The following SACS variants were observed in gnomAD, a reference collection of about 807,000 sequenced individuals.
The protein encoded by SACS is sacsin molecular chaperone.
In SACS, 197 loss-of-function variants were observed where a neutral mutation model predicts 348.0. The observed-to-expected ratio is 0.57, with a 90% CI of 0.50 to 0.64. The LOEUF (loss-of-function observed/expected upper bound fraction) is 0.64, where lower values mean the gene tolerates loss of function less well. Ranked by LOEUF, SACS falls within the 30% of genes least tolerant of loss-of-function variation. The pLI is 0.00. For synonymous variants in SACS, 1,985 were observed against 1,910.6 expected, an observed-to-expected ratio of 1.04 and a Z score of -1.02; for missense variants, 4,999 against 5,360.8, an observed-to-expected ratio of 0.93 and a Z score of 2.11.
intron 2 of SACS, among the ~76,000 whole-genome samples, chr13:23,378,476 A>T (rs964983303): frequency 6.7e-6 from 1 of 149,756 alleles, no homozygotes; most frequent in Admixed American, 6.7e-5. Flanking sequence ...TCTCTTGCAA[A>T]TTTTTTTTTT....
intron 9 of SACS, among the ~76,000 whole-genome samples, chr13:23,344,652 A>G (rs1215457817): frequency 6.6e-6 from 1 of 152,266 alleles, no homozygotes; most frequent in Admixed American, 6.5e-5. Flanking sequence ...TAATAGGATC[A>G]GCAAAATAAT....
intron 2 of SACS, among the ~76,000 whole-genome samples, chr13:23,402,785 G>A (rs111335339): frequency 4.8e-4 from 73 of 152,268 alleles, no homozygotes; most frequent in African/African-American, 1.7e-3. Context: ...AGGAACCTTA[G>A]GACCCAGAAA....
In SACS at chr13:23,335,537, A is replaced by C. The variant is rs111540787; in HGVS notation, c.8339T>G (p.Phe2780Cys). 7,780 of 1,613,692 alleles carry C rather than the reference A, an allele frequency of 4.8e-3. 22 individuals carry two copies. Among genetic ancestry groups the C allele is most frequent in the Non-Finnish European group, 5.9e-3 (6,965 of 1,179,886 alleles). Residue 2780 changes from phenylalanine (F) to cysteine (C), a missense_variant, in exon 10 of 10, where the codon TTT becomes TGT. By Grantham distance (205) the Phe-to-Cys change is radical. Coordinates refer to ENST00000382292, the MANE Select transcript of SACS (RefSeq NM_014363.6). This position sits in a 1 kb window ranked among gnomAD's most constrained non-coding sequence, Gnocchi z 4.7. ...AACACTATCAATTACAGATGCATGA[A>C]ATTGTTTCCTTTTCAATCTGTCTCC... ...TDGDRLKRKQFHASVIDSVTK... is the reference protein window; with the variant it reads ...TDGDRLKRKQCHASVIDSVTK...
intron 2 of SACS, among the ~76,000 whole-genome samples, chr13:23,409,811 C>T (rs1032009131): frequency 2.6e-5 from 4 of 152,028 alleles, no homozygotes; most frequent in Non-Finnish European, 5.9e-5. Flanking sequence ...CAAAAATACA[C>T]GCAAAGTTAA....
chr13:23,375,578 C>G lies in SACS; in HGVS notation c.21-309G>C, dbSNP rs543045813. ...GGGACTGCGCGCTCCCGGCCCACTC[C>G]CGGCCCTGCAGGCGCCGCCCGCGGG... On this transcript the variant is annotated intron_variant, in intron 2 of 9. Coordinates refer to ENST00000382292, the MANE Select transcript of SACS (RefSeq NM_014363.6). 3,624 of 1,030,440 alleles carry G rather than the reference C, an allele frequency of 3.5e-3. 12 individuals are homozygous for G. The highest frequency in any genetic ancestry group is 4.0e-3 in the Non-Finnish European group (3,461 of 859,662). The allele number at this position is 1,030,440 out of a possible 1,614,324, so 63.8% of individuals were successfully genotyped here. A position where few individuals can be genotyped will look rare whatever the true frequency, so the allele number is the denominator to read the frequency against.
In SACS at chr13:23,331,686, G is replaced by T. The variant is rs200707453; in HGVS notation, c.12190C>A (p.Pro4064Thr). ...GTTTCACTTCTGCTGTGGGGAATAG[G>T]ATTAAAACCTTTAACTCTTAATGTT... ...QTTLRVKGFN[P>T]IPHSRSETFA... Residue 4064 changes from proline (P) to threonine (T), a missense_variant, in exon 10 of 10, where the codon CCT (proline) becomes ACT (threonine). By Grantham distance (38) the Pro-to-Thr change is conservative. Coordinates refer to ENST00000382292, the MANE Select transcript of SACS (RefSeq NM_014363.6). 8.5e-5 allele frequency: 137 copies of T among 1,613,726 alleles called. No individual in the cohort carries two copies. The highest frequency in any genetic ancestry group is 1.1e-4 in the Non-Finnish European group (126 of 1,179,956).
intron 2 of SACS, among the ~76,000 whole-genome samples, chr13:23,376,578 T>C (rs1455202613): frequency 1.3e-5 from 2 of 152,280 alleles, no homozygotes; most frequent in Non-Finnish European, 2.9e-5. Flanking sequence ...TCATCATCAG[T>C]AGTAAATACA....
chr13:23,396,982 T>C (rs920217230), intron 2 of SACS, among the ~76,000 whole-genome samples: 4 of 149,650 alleles, frequency 2.7e-5, no homozygotes, highest in Non-Finnish European at 4.5e-5. Context: ...TTATATGGTC[T>C]AGGGGGCCTA....
chr13:23,381,330 T>C (rs1003343269), intron 2 of SACS, among the ~76,000 whole-genome samples: 3 of 150,076 alleles, frequency 2.0e-5, no homozygotes. Context: ...AATATCACAG[T>C]CTGGCTGGAC....
chr13:23,334,157 C>A lies in SACS; in HGVS notation c.9719G>T (p.Ser3240Ile). Residue 3240 changes from serine (S) to isoleucine (I), a missense_variant, in exon 10 of 10, where the codon AGT (serine) becomes ATT (isoleucine). Coordinates refer to ENST00000382292, the MANE Select transcript of SACS (RefSeq NM_014363.6). ...CCATGCATTCTTAAGCCAAGACTCA[C>A]TTGCAAAATTGTCTTTCCACTTTGT... ...SCTKWKDNFA[S>I]ESWLKNAWHF... is the part of the protein sequence containing the mutation. 4 of 1,613,924 alleles carry A rather than the reference C, an allele frequency of 2.5e-6. No individual in the cohort carries two copies. The highest frequency in any genetic ancestry group is 3.4e-6 in the Non-Finnish European group (4 of 1,179,830).
rs144468379 is a variant in SACS, at chr13:23,354,728, G to A, written c.1884C>T (p.Pro628=). 5.6e-5 allele frequency: 91 copies of A among 1,613,554 alleles called. No homozygotes were observed. The African/African-American group carries it at 7.3e-4, about 13-fold the overall frequency. The change falls in exon 8 of 10, where the codon CCC becomes CCT. Residue 628 remains proline, a synonymous_variant. Transcript: ENST00000382292. Reference sequence around the variant, plus strand: ...TCCGCAGCACCTGCCGCACCCACGCGGGCGTCACCTTCCTCACAGGTGTTG... The same window carrying A: ...TCCGCAGCACCTGCCGCACCCACGCAGGCGTCACCTTCCTCACAGGTGTTG... The part of the protein sequence containing the change: ...SGTTPVRKVT[P]AWVRQVLRKC...
At chr13:23,412,165 AG>A (rs1477055279) in intron 1 of SACS, among the ~76,000 whole-genome samples, 1 of 152,094 alleles carries the variant, frequency 6.6e-6, no homozygotes, top group East Asian at 1.9e-4. Context: ...AGGCTGAGGC[AG>A]GAGAATGGCG....
intron 9 of SACS, among the ~76,000 whole-genome samples, chr13:23,345,360 G>A (rs1453403021): frequency 6.6e-6 from 1 of 152,192 alleles, no homozygotes; most frequent in Non-Finnish European, 1.5e-5. Context: ...CTTCCTGCCA[G>A]GTCAGACTCC....
At chr13:23,430,207 C>CAA (rs571830498) in intron 1 of SACS, among the ~76,000 whole-genome samples, 8 of 138,332 alleles carry the variant, frequency 5.8e-5, no homozygotes, top group African/African-American at 1.8e-4. Context: ...GACAACATCT[C>CAA]AAAAAAAAAA....
In SACS at chr13:23,338,570, T is replaced by C. The variant is rs752622447; in HGVS notation, c.5306A>G (p.His1769Arg). ...ILQITVEEFH[H>R]VFRRIADLQS... ...TAAATCAGCAATCCTTCTGAACACATGGTGAAATTCTTCCACTGTGATCTG... is the reference window on the plus strand; with the variant it reads ...TAAATCAGCAATCCTTCTGAACACACGGTGAAATTCTTCCACTGTGATCTG... Residue 1769 changes from histidine to arginine, a missense_variant, in exon 10 of 10, where the codon CAT (histidine) becomes CGT (arginine). This residue lies in a region of SACS where 3,156 missense variants were observed against 3,380.1 expected (regional missense o/e 0.93). Coordinates refer to ENST00000382292, the MANE Select transcript of SACS (RefSeq NM_014363.6). The C allele has an allele frequency of 2.4e-5, 38 of 1,614,002 alleles. No homozygotes were observed. Among genetic ancestry groups the C allele is most frequent in the Non-Finnish European group, 3.1e-5 (37 of 1,179,982 alleles).
rs749096083 is a variant in SACS at position 23,341,627 on chromosome 13, A to G, written c.2249T>C (p.Val750Ala). The G allele has an allele frequency of 6.2e-7, 1 of 1,613,546 alleles. No homozygotes were observed. Among genetic ancestry groups the G allele is most frequent in the African/African-American group, 1.3e-5 (1 of 74,912 alleles). ...PERFARLIKEVMNTFWPGREL... is the reference protein window; with the variant it reads ...PERFARLIKEAMNTFWPGREL... ...TCTGCCAGGCCAGAATGTATTCATTACTTCCTTGATAAGACGTGCAAATCG... is the reference window on the plus strand; with the variant it reads ...TCTGCCAGGCCAGAATGTATTCATTGCTTCCTTGATAAGACGTGCAAATCG... The change falls in exon 10 of 10, where the codon GTA becomes GCA. Residue 750 changes from valine to alanine, a missense_variant. Physicochemically the swap from Val to Ala is moderately conservative, Grantham distance 64. Around this residue, in one of 6 missense-constraint regions of SACS, gnomAD observed 3,156 missense variants for 3,380.1 expected, o/e 0.93. Coordinates refer to ENST00000382292, the MANE Select transcript of SACS (RefSeq NM_014363.6).
In SACS at chr13:23,355,737, A is replaced by ACCT. The variant is rs1870338253; in HGVS notation, c.872_874dup (p.Lys291_Val292insGlu). On this transcript the variant is annotated inframe_insertion, in exon 8 of 10. Transcript: ENST00000382292. ...CCTAAAAGACTCAAACAACTCAAGA[A>ACCT]CCTTCTGCTTATTGTAGAGGTTACT... The ACCT allele has an allele frequency of 2.5e-6, 4 of 1,614,094 alleles. No individual in the cohort carries two copies. The Admixed American group carries it at 5.0e-5, about 20-fold the overall frequency.
chr13:23,360,156 G>A (rs887890957), intron 6 of SACS, among the ~76,000 whole-genome samples: 1 of 152,062 alleles, frequency 6.6e-6, no homozygotes, highest in Non-Finnish European at 1.5e-5. Context: ...CAAATACGGG[G>A]CTCAGCATAG....
At chr13:23,371,897 T>G (rs1263272964) in intron 3 of SACS, among the ~76,000 whole-genome samples, 2 of 152,220 alleles carry the variant, frequency 1.3e-5, no homozygotes, top group African/African-American at 4.8e-5. Flanking sequence ...GTTCTTGTTC[T>G]CTGGTTGAAT....
Sources: allele counts gnomAD v4.1 joint callset (sites outside exome capture counted in the v4.1 genomes callset), GRCh38; gene constraint gnomAD v4.1.1; regional missense constraint gnomAD v4.1.1; non-coding constraint Gnocchi (gnomAD v3.1); transcripts MANE v1.5; gene names NCBI Gene and HGNC (gene_info 2026-07-23, HGNC 2026-07-21).